The following GCA variants were observed in gnomAD, a reference collection of about 807,000 sequenced individuals.
The protein encoded by GCA is grancalcin.
Under a neutral mutation model 32.6 loss-of-function variants are expected in GCA, and 30 were observed. The observed-to-expected ratio is 0.92, with a 90% CI of 0.69 to 1.25. The LOEUF (loss-of-function observed/expected upper bound fraction) is 1.25, where lower values mean the gene tolerates loss of function less well. Among genes scored for constraint, GCA ranks in the 50% most tolerant of loss-of-function variants. The pLI is 0.00. For missense variants in GCA, 291 were observed against 266.8 expected (o/e 1.09, Z -0.63); for synonymous variants, 102 against 84.6 (o/e 1.21, Z -1.13).
At chr2:162,358,696 C>A (rs1231229352) in intron 5 of GCA, among the ~76,000 whole-genome samples, 1 of 151,228 alleles carries the variant, frequency 6.6e-6, no homozygotes, top group Non-Finnish European at 1.5e-5. Flanking sequence ...CATTTATATT[C>A]TTTAAGAACT....
chr2:162,334,132 C>A (rs1684183527), intron 1 of GCA, among the ~76,000 whole-genome samples: 2 of 152,192 alleles, frequency 1.3e-5, no homozygotes, highest in Non-Finnish European at 2.9e-5. Flanking sequence ...CCTGAGACTT[C>A]TCCACACTGC....
rs1685048472 is a variant in GCA, at chr2:162,352,405, CT to C, written c.261del (p.Phe89SerfsTer9). On this transcript the variant is annotated frameshift_variant and splice_region_variant, in exon 3 of 8. Transcript: ENST00000437150. LOFTEE classifies it high-confidence loss of function. ...LTQSGINGTY[S>X]PFSLETCRIM... ...CAGTCTGGAATTAATGGAACTTACT[CT>C]CGTGAGATCTTTTTTCCCCTTTTGT... 2 of 1,534,834 alleles carry C rather than the reference CT, an allele frequency of 1.3e-6. No individual in the cohort carries two copies. The highest frequency in any genetic ancestry group is 3.4e-5 in the Admixed American group (2 of 58,680).
chr2:162,360,283 T>C lies in GCA; in HGVS notation c.*40T>C, dbSNP rs763073231. ...AAACCTGAAGAGACACTGTGAATTC[T>C]TTTGTTTGGAAGAAGTGAACTGGAC... On this transcript the variant is annotated 3_prime_UTR_variant, in exon 8 of 8. Coordinates refer to ENST00000437150, the MANE Select transcript of GCA (RefSeq NM_012198.5). 1.3e-6 allele frequency: 2 copies of C among 1,578,476 alleles called. No homozygotes were observed. The highest frequency in any genetic ancestry group is 2.3e-5 in the South Asian group (2 of 86,358).
chr2:162,367,136 T>C (rs1685777731), downstream of GCA, among the ~76,000 whole-genome samples: 1 of 151,870 alleles, frequency 6.6e-6, no homozygotes, highest in Non-Finnish European at 1.5e-5. Flanking sequence ...TTTTATCATT[T>C]TGGATACTGG....
chr2:162,353,654 C>T (rs1685111467), intron 3 of GCA, among the ~76,000 whole-genome samples: 2 of 152,114 alleles, frequency 1.3e-5, no homozygotes, highest in South Asian at 4.1e-4. Flanking sequence ...CTTTCTCTTT[C>T]CTGCCTGGAT....
In GCA at chr2:162,359,090, T is replaced by C. The variant is rs756373107; in HGVS notation, c.501T>C (p.Tyr167=). The C allele has an allele frequency of 7.5e-6, 12 of 1,605,846 alleles. No individual in the cohort carries two copies. The highest frequency in any genetic ancestry group is 1.7e-5 in the Admixed American group (1 of 59,742). Residue 167 remains tyrosine, a synonymous_variant, in exon 6 of 8, where the codon TAT becomes TAC. Transcript: ENST00000437150. ...PQTLTTIVKR[Y]SKNGRIFFDD... is the part of the protein sequence containing the mutation. Reference sequence around the variant, plus strand: ...CATTAACTACTATTGTTAAACGTTATAGCAAGAATGGCAGAATTTTCTTTG... The same window carrying C: ...CATTAACTACTATTGTTAAACGTTACAGCAAGAATGGCAGAATTTTCTTTG...
At chr2:162,332,356 A>T (rs1684126347) in intron 1 of GCA, among the ~76,000 whole-genome samples, 1 of 146,354 alleles carries the variant, frequency 6.8e-6, no homozygotes, top group Admixed American at 6.9e-5. Context: ...AATATTATTT[A>T]TATATTATAT....
At chr2:162,344,499 G>C (rs1370149734) in intron 1 of GCA, 1 of 575,318 alleles carries the variant, frequency 1.7e-6, no homozygotes, top group East Asian at 2.8e-5. Flanking sequence ...CCCTCGAGGA[G>C]CGTCCTGGTG....
intron 3 of GCA, among the ~76,000 whole-genome samples, chr2:162,354,148 G>A (rs2105334914): frequency 6.6e-6 from 1 of 152,020 alleles, no homozygotes; most frequent in Non-Finnish European, 1.5e-5. Flanking sequence ...CATGTTAGGT[G>A]CTTTTCTCAG....
At position 162,325,462 on chromosome 2, in the gene GCA, C is replaced by T. The variant is rs190381772; in HGVS notation, c.-31+6237C>T. ...TAAATTTATCCATTAGGATTAGTTG[C>T]CCCTTGACTGAATCAGGAGATAGAG... On this transcript the variant is annotated intron_variant, in intron 1 of 4. Transcript: ENST00000429691. 2.3e-3 allele frequency among the ~76,000 whole-genome samples: 351 copies of T among 152,272 alleles called. 4 individuals are homozygous for T. The highest frequency in any genetic ancestry group is 9.3e-3 in the South Asian group (45 of 4,824).
At chr2:162,373,334 A>G (rs1312298623), downstream of GCA, 1 of 520,702 alleles carries the variant, frequency 1.9e-6, no homozygotes, top group Non-Finnish European at 3.2e-6. Context: ...GCCCATTTCC[A>G]GAAATTCTAT....
At chr2:162,354,719 A>G (rs1685175636) in intron 3 of GCA, among the ~76,000 whole-genome samples, 1 of 152,168 alleles carries the variant, frequency 6.6e-6, no homozygotes, top group African/African-American at 2.4e-5. Flanking sequence ...TCTCAGATCT[A>G]GGTTGGTTAA....
intron 4 of GCA, 47 bp from the exon 5 acceptor site, chr2:162,356,711 A>G: frequency 7.1e-7 from 1 of 1,411,878 alleles, no homozygotes; most frequent in Non-Finnish European, 9.9e-7. Context: ...ATTTAGAGTC[A>G]GATAAACTCA....
rs149650493 is a variant in GCA, at chr2:162,344,324, G to C, written c.27+49G>C. The stretch of plus-strand genomic sequence containing the variant: ...GTCCCTCTTCCTCGCGGGGTGTGGC[G>C]CCCCCGGGGGCGGTGCCAACGTGCG... On this transcript the variant is annotated intron_variant, in intron 1 of 7. Transcript: ENST00000437150. 195 of 1,584,376 alleles carry C rather than the reference G, an allele frequency of 1.2e-4. 1 individual carries two copies. In the African/African-American group the frequency reaches 1.8e-3, roughly 15 times the overall value.
At chr2:162,346,243 CTT>C (rs1261552260) in intron 1 of GCA, among the ~76,000 whole-genome samples, 1 of 152,154 alleles carries the variant, frequency 6.6e-6, no homozygotes, top group Non-Finnish European at 1.5e-5. Flanking sequence ...GCACAGAAAA[CTT>C]AAACAGATTA....
intron 1 of GCA, among the ~76,000 whole-genome samples, chr2:162,344,788 T>C (rs1303308249): frequency 6.6e-6 from 1 of 152,204 alleles, no homozygotes; most frequent in Non-Finnish European, 1.5e-5. Context: ...GGGAAGTTAC[T>C]CTTTGTTATA....
intron 3 of GCA, among the ~76,000 whole-genome samples, chr2:162,353,843 G>C (rs904187324): frequency 6.6e-6 from 1 of 152,048 alleles, no homozygotes; most frequent in East Asian, 1.9e-4. Flanking sequence ...CTGTTTCTTG[G>C]AATGCTTTTT....
rs555791039 is a variant in GCA at position 162,362,965 on chromosome 2, A to G, written c.*2722A>G. Among the ~76,000 whole-genome samples, 1 of 151,588 alleles carries G rather than the reference A, an allele frequency of 6.6e-6. No homozygotes were observed. The highest frequency in any genetic ancestry group is 2.1e-4 in the South Asian group (1 of 4,832). On this transcript the variant is annotated 3_prime_UTR_variant, in exon 8 of 8. Coordinates refer to ENST00000437150, the MANE Select transcript of GCA (RefSeq NM_012198.5). ...AAAGGCATTTACCCTAGAAGAAAGT[A>G]GAATCTGTTAATACAGTTTAAAGTC...
intron 1 of GCA, among the ~76,000 whole-genome samples, chr2:162,332,490 A>T (rs751369376): frequency 1.3e-4 from 20 of 151,798 alleles, no homozygotes; most frequent in Admixed American, 2.6e-4. Context: ...AATTCAACTG[A>T]AAAGTCCACA....
Sources: allele counts gnomAD v4.1 joint callset (sites outside exome capture counted in the v4.1 genomes callset), GRCh38; gene constraint gnomAD v4.1.1; transcripts MANE v1.5; gene names NCBI Gene and HGNC (gene_info 2026-07-23, HGNC 2026-07-21).